SLC24A3: variants seen among roughly 807,000 people sequenced by gnomAD.
SLC24A3 encodes the protein sodium/potassium/calcium exchanger 3.
SLC24A3 carries 28 observed loss-of-function variants against 75.8 expected under a neutral mutation model. The ratio of observed to expected loss-of-function variants is 0.37; its 90% CI spans 0.27 to 0.51. The LOEUF is 0.51. Ranked by LOEUF, SLC24A3 falls within the 20% of genes least tolerant of loss-of-function variation. The pLI is 0.94. For synonymous variants in SLC24A3, 372 were observed against 334.1 expected (o/e 1.11, Z -1.24); for missense variants, 663 against 847.8 (o/e 0.78, Z 2.71).
rs1471863276 is a variant in SLC24A3, at chr20:19,276,010, T to C, written c.143-4949T>C. ...CATGGACAGGGGCCAAGTGTTTTTG[T>C]TGACATTGCTCAAGTATAGCTTTGT... On this transcript the variant is annotated intron_variant, in intron 1 of 16. Transcript: ENST00000328041. Among the ~76,000 whole-genome samples the C allele has an allele frequency of 3.3e-5, 5 of 152,206 alleles. No homozygotes were observed. In the East Asian group the frequency reaches 9.6e-4, roughly 29 times the overall value.
At chr20:19,438,519 CA>C (rs1987245517) in intron 2 of SLC24A3, among the ~76,000 whole-genome samples, 1 of 150,026 alleles carries the variant, frequency 6.7e-6, no homozygotes, top group South Asian at 2.1e-4. Context: ...CCGACACCCC[CA>C]TACAGTAGGT....
At chr20:19,469,166 G>A (rs1366403636) in intron 2 of SLC24A3, among the ~76,000 whole-genome samples, 2 of 152,070 alleles carry the variant, frequency 1.3e-5, no homozygotes, top group African/African-American at 2.4e-5. Context: ...AGAAGCGGAC[G>A]GATGAGCAGA....
At chr20:19,349,534 G>A (rs989513830) in intron 2 of SLC24A3, among the ~76,000 whole-genome samples, 3 of 152,144 alleles carry the variant, frequency 2.0e-5, no homozygotes. Flanking sequence ...GGAGAATGAA[G>A]ACCCCTGAGA....
At chr20:19,705,346 T>C (rs1275822711) in intron 15 of SLC24A3, among the ~76,000 whole-genome samples, 5 of 152,102 alleles carry the variant, frequency 3.3e-5, no homozygotes, top group Admixed American at 6.5e-5. Flanking sequence ...CCTCCCTGGC[T>C]CTCTTTGGGT....
chr20:19,457,439 A>G (rs1987598083), intron 2 of SLC24A3, among the ~76,000 whole-genome samples: 1 of 152,244 alleles, frequency 6.6e-6, no homozygotes, highest in African/African-American at 2.4e-5. Flanking sequence ...TTCACTCAAG[A>G]TGAAAATGCT....
intron 1 of SLC24A3, among the ~76,000 whole-genome samples, chr20:19,215,644 T>G (rs973909992): frequency 6.6e-6 from 1 of 152,162 alleles, no homozygotes; most frequent in Non-Finnish European, 1.5e-5. Context: ...CTCCCTTCCT[T>G]TCTCTCTTCT....
At chr20:19,589,118 G>A (rs1250221353) in intron 6 of SLC24A3, among the ~76,000 whole-genome samples, 1 of 152,218 alleles carries the variant, frequency 6.6e-6, no homozygotes, top group Non-Finnish European at 1.5e-5. Flanking sequence ...GAGACTCTAA[G>A]CAAGGACTCA....
At chr20:19,664,464 A>T (rs1196216337) in intron 7 of SLC24A3, among the ~76,000 whole-genome samples, 1 of 152,248 alleles carries the variant, frequency 6.6e-6, no homozygotes, top group Non-Finnish European at 1.5e-5. Context: ...GGGAAGAATG[A>T]GTTACAAATG....
chr20:19,327,005 C>T (rs537767030), intron 2 of SLC24A3, among the ~76,000 whole-genome samples: 1 of 152,100 alleles, frequency 6.6e-6, no homozygotes, highest in East Asian at 1.9e-4. Flanking sequence ...TTGCGGCCTT[C>T]CCATTTTATG....
At chr20:19,260,776 G>T (rs1009135519) in intron 1 of SLC24A3, among the ~76,000 whole-genome samples, 17 of 152,318 alleles carry the variant, frequency 1.1e-4, no homozygotes, top group African/African-American at 3.8e-4. Flanking sequence ...CATTGCTGTA[G>T]GCATCATTCT....
chr20:19,489,468 G>C (rs934402382), intron 2 of SLC24A3, among the ~76,000 whole-genome samples: 1 of 152,192 alleles, frequency 6.6e-6, no homozygotes, highest in African/African-American at 2.4e-5. Context: ...GTTTATAGTT[G>C]ATGAATCATT....
At chr20:19,653,675 A>G (rs984261339) in intron 6 of SLC24A3, among the ~76,000 whole-genome samples, 2 of 152,152 alleles carry the variant, frequency 1.3e-5, no homozygotes, top group Non-Finnish European at 2.9e-5. Flanking sequence ...CTGATAGGCA[A>G]CTTTGCATTG....
At chr20:19,700,574 G>T (rs572518933) in intron 15 of SLC24A3, among the ~76,000 whole-genome samples, 1 of 152,314 alleles carries the variant, frequency 6.6e-6, no homozygotes, top group African/African-American at 2.4e-5. Flanking sequence ...TGTAGCTCTA[G>T]AGGATTAAAT....
intron 2 of SLC24A3, among the ~76,000 whole-genome samples, chr20:19,446,580 T>G (rs554334984): frequency 3.3e-5 from 5 of 152,198 alleles, no homozygotes; most frequent in Admixed American, 6.5e-5. Flanking sequence ...ATGAGAAGTT[T>G]GGGCAGTGAA....
At chr20:19,639,541 A>T (rs1223800929) in intron 6 of SLC24A3, among the ~76,000 whole-genome samples, 1 of 152,248 alleles carries the variant, frequency 6.6e-6, no homozygotes, top group Non-Finnish European at 1.5e-5. Flanking sequence ...CGTCCCCACC[A>T]GACTCAGGAG....
intron 2 of SLC24A3, among the ~76,000 whole-genome samples, chr20:19,294,383 C>G (rs1984013802): frequency 6.6e-6 from 1 of 152,100 alleles, no homozygotes; most frequent in Non-Finnish European, 1.5e-5. Flanking sequence ...CAACCCATCA[C>G]CTAGGTATTA....
intron 2 of SLC24A3, among the ~76,000 whole-genome samples, chr20:19,326,771 C>T (rs1250672505): frequency 6.6e-6 from 1 of 152,016 alleles, no homozygotes; most frequent in East Asian, 1.9e-4. Flanking sequence ...TTTGTAGCGA[C>T]AAGGTCTCAC....
At chr20:19,439,120 T>A (rs1053112319) in intron 2 of SLC24A3, among the ~76,000 whole-genome samples, 13 of 152,154 alleles carry the variant, frequency 8.5e-5, no homozygotes, top group Admixed American at 2.0e-4. Flanking sequence ...GCTGTGCTTG[T>A]CTCCACTGCC....
intron 6 of SLC24A3, among the ~76,000 whole-genome samples, chr20:19,604,891 C>T (rs777802939): frequency 6.6e-6 from 1 of 152,064 alleles, no homozygotes; most frequent in Non-Finnish European, 1.5e-5. Context: ...CAGGCTTAAC[C>T]GCCTTCTCCT....
Sources: allele counts gnomAD v4.1 joint callset (sites outside exome capture counted in the v4.1 genomes callset), GRCh38; gene constraint gnomAD v4.1.1; transcripts MANE v1.5; gene names NCBI Gene and HGNC (gene_info 2026-07-23, HGNC 2026-07-21).